Variants in NFAT5 observed in about 807,000 individuals in gnomAD.
NFAT5 encodes nuclear factor of activated T-cells 5.
In NFAT5, 31 loss-of-function variants were observed where a neutral mutation model predicts 166.5. That is an observed-to-expected ratio of 0.19 (90% CI 0.14 to 0.25). NFAT5 has a LOEUF of 0.25. NFAT5 is among the 10% of genes least tolerant of loss of function. The pLI, the probability that NFAT5 is intolerant of heterozygous loss-of-function variation, is 1.00. For missense variants in NFAT5, 1,449 were observed against 1,821.8 expected (o/e 0.80, Z 3.72); for synonymous variants, 612 against 639.7 (o/e 0.96, Z 0.65).
At chr16:69,671,886 A>C (rs1174290630) in intron 9 of NFAT5, among the ~76,000 whole-genome samples, 1 of 152,240 alleles carries the variant, frequency 6.6e-6, no homozygotes, top group Non-Finnish European at 1.5e-5. Flanking sequence ...TTATTATTTC[A>C]GACCTGATTA....
In NFAT5 at chr16:69,694,085, G is replaced by A. The variant is rs1308590417; in HGVS notation, c.4260G>A (p.Gln1420=). ...DMQQSPLYSP[Q]NNMPGIQGAT... Reference sequence around the variant, plus strand: ...AACAGTCTCCTCTTTATTCCCCTCAGAACAACATGCCTGGAATTCAAGGAG... The same window carrying A: ...AACAGTCTCCTCTTTATTCCCCTCAAAACAACATGCCTGGAATTCAAGGAG... Residue 1420 remains glutamine, a synonymous_variant, in exon 13 of 15, where the codon CAG becomes CAA. Coordinates refer to ENST00000349945, the MANE Select transcript of NFAT5 (RefSeq NM_138713.4). 1 of 1,614,070 alleles carries A rather than the reference G, an allele frequency of 6.2e-7. No homozygotes were observed. Among genetic ancestry groups the A allele is most frequent in the Non-Finnish European group, 8.5e-7 (1 of 1,180,016 alleles).
chr16:69,643,745 C>A (rs1475346675), intron 3 of NFAT5, among the ~76,000 whole-genome samples: 1 of 151,884 alleles, frequency 6.6e-6, no homozygotes, highest in East Asian at 1.9e-4. Context: ...TTTTGGCTTC[C>A]CAGAAATCAA....
chr16:69,669,363 G>A (rs1009111911), intron 7 of NFAT5, among the ~76,000 whole-genome samples: 47 of 152,108 alleles, frequency 3.1e-4, no homozygotes, highest in African/African-American at 1.1e-3. Context: ...TGACCAACAT[G>A]GTGAAACCCC....
rs753321494 is a variant in NFAT5, at chr16:69,695,192, A to C, written c.4471A>C (p.Ile1491Leu). 6.2e-7 allele frequency: 1 copy of C among 1,614,128 alleles called. No homozygotes were observed. The highest frequency in any genetic ancestry group is 1.3e-5 in the African/African-American group (1 of 74,944). ...TACATTGCCTGATCAGTTGATGGCC[A>C]TAAGTCAGCCAGGCCAACCACAAAA... ...PATLPDQLMA[I>L]SQPGQPQNEG... Residue 1491 changes from isoleucine to leucine, a missense_variant, in exon 14 of 15, where the codon ATA (isoleucine) becomes CTA (leucine). This residue lies in a region of NFAT5 where 891 missense variants were observed against 993.0 expected (regional missense o/e 0.90). Coordinates refer to ENST00000349945, the MANE Select transcript of NFAT5 (RefSeq NM_138713.4).
intron 11 of NFAT5, among the ~76,000 whole-genome samples, chr16:69,686,286 G>T (rs1161004477): frequency 6.6e-6 from 1 of 152,042 alleles, no homozygotes; most frequent in African/African-American, 2.4e-5. Context: ...CTGGGAGGTG[G>T]AGGCTACAGT....
Position 69,566,423 on chromosome 16 carries a change from A to T in NFAT5, c.73+49A>T. 1 of 1,403,252 alleles carries T rather than the reference A, an allele frequency of 7.1e-7. No homozygotes were observed. The highest frequency in any genetic ancestry group is 1.2e-5 in the South Asian group (1 of 81,906). The allele number at this position is 1,403,252 out of a possible 1,614,324, so 86.9% of individuals were successfully genotyped here. A position where few individuals can be genotyped will look rare whatever the true frequency, so the allele number is the denominator to read the frequency against. Reference sequence around the variant, plus strand: ...GGCGTGGGGGCGGGGAGACAGGGAGACAGGGAGACAGGGCCAGGGGAGGCG... The same window carrying T: ...GGCGTGGGGGCGGGGAGACAGGGAGTCAGGGAGACAGGGCCAGGGGAGGCG... On this transcript the variant is annotated intron_variant, in intron 1 of 14. Transcript: ENST00000349945. This position sits in a 1 kb window ranked among gnomAD's most constrained non-coding sequence, Gnocchi z 5.7.
intron 2 of NFAT5, among the ~76,000 whole-genome samples, chr16:69,582,041 G>T (rs1303747764): frequency 6.6e-6 from 1 of 152,186 alleles, no homozygotes; most frequent in Admixed American, 6.5e-5. Flanking sequence ...GAGGAGGGCG[G>T]ATCATTTGAG....
intron 3 of NFAT5, among the ~76,000 whole-genome samples, chr16:69,631,751 G>A (rs1321350347): frequency 2.6e-5 from 4 of 151,938 alleles, no homozygotes; most frequent in South Asian, 2.1e-4. Flanking sequence ...TCAGCCTCCC[G>A]AGTAACTGGG....
chr16:69,571,822 C>A (rs770041533), intron 2 of NFAT5, among the ~76,000 whole-genome samples: 5 of 151,904 alleles, frequency 3.3e-5, no homozygotes, highest in Admixed American at 2.6e-4. Flanking sequence ...TGCAGTGGCA[C>A]GATCTCGGCT....
chr16:69,614,948 C>A (rs1395385046), intron 2 of NFAT5, among the ~76,000 whole-genome samples: 1 of 146,596 alleles, frequency 6.8e-6, no homozygotes, highest in African/African-American at 2.5e-5. Flanking sequence ...ACGATCTTGG[C>A]TCACTGCAGC....
Position 69,642,820 on chromosome 16 carries a change from AAAAAGAAAAG to A in NFAT5, c.254-4193_254-4184del, listed in dbSNP as rs148109888. On this transcript the variant is annotated intron_variant, in intron 3 of 14. Transcript: ENST00000349945. ...CAACAGAGCAAGACTGTGTCTCAAAAAAAAGAAAAGAAAAGAAAAGAAAAAGGAAAAAAAA... is the reference window on the plus strand; with the variant it reads ...CAACAGAGCAAGACTGTGTCTCAAAAAAAAGAAAAGAAAAAGGAAAAAAAA... 4.1e-4 allele frequency among the ~76,000 whole-genome samples: 62 copies of A among 151,764 alleles called. 1 individual carries two copies. In the East Asian group the frequency reaches 0.011, roughly 27 times the overall value.
At chr16:69,609,160 TG>T (rs924265589) in intron 2 of NFAT5, among the ~76,000 whole-genome samples, 1 of 150,746 alleles carries the variant, frequency 6.6e-6, no homozygotes, top group African/African-American at 2.4e-5. Context: ...CAGAAGAAGG[TG>T]GTTCAGGTCT....
chr16:69,592,189 C>T (rs1373541794), intron 2 of NFAT5, among the ~76,000 whole-genome samples: 1 of 147,478 alleles, frequency 6.8e-6, no homozygotes, highest in Non-Finnish European at 1.5e-5. Context: ...AAGCAATTTT[C>T]CTGCCTCAAC....
intron 2 of NFAT5, among the ~76,000 whole-genome samples, chr16:69,613,641 A>G (rs984782661): frequency 2.0e-5 from 3 of 152,278 alleles, no homozygotes; most frequent in Admixed American, 2.0e-4. Context: ...TCAATATTCA[A>G]GGTTGACTTC....
At chr16:69,619,190 T>C (rs897625213) in intron 2 of NFAT5, among the ~76,000 whole-genome samples, 3 of 152,202 alleles carry the variant, frequency 2.0e-5, no homozygotes, top group Non-Finnish European at 4.4e-5. Flanking sequence ...ATGCCAGCTC[T>C]TAGGTCAACA....
intron 2 of NFAT5, among the ~76,000 whole-genome samples, chr16:69,574,961 C>T (rs1487164416): frequency 2.0e-5 from 3 of 151,858 alleles, no homozygotes; most frequent in Non-Finnish European, 4.4e-5. Context: ...CATGAGCCAC[C>T]GTGCCCAGCC....
intron 6 of NFAT5, among the ~76,000 whole-genome samples, chr16:69,659,301 G>T (rs1034384016): frequency 2.6e-5 from 4 of 151,766 alleles, no homozygotes; most frequent in Non-Finnish European, 5.9e-5. Context: ...AAATAGTTGG[G>T]CATGGTGGCG....
In NFAT5 at chr16:69,692,549, G is replaced by A; in HGVS notation, c.2724G>A (p.Met908Ile). The A allele has an allele frequency of 1.9e-6, 3 of 1,614,090 alleles. No homozygotes were observed. Among genetic ancestry groups the A allele is most frequent in the Non-Finnish European group, 8.5e-7 (1 of 1,180,010 alleles). Residue 908 changes from methionine to isoleucine, a missense_variant, in exon 13 of 15, where the codon ATG (methionine) becomes ATA (isoleucine). Coordinates refer to ENST00000349945, the MANE Select transcript of NFAT5 (RefSeq NM_138713.4). ...AGCAGCAGCAGCAACAGCAAGTGAT[G>A]GAATCTTCAGCCGCAATGGTGATGG... ...QQQQQQQQQV[M>I]ESSAAMVMEM...
At chr16:69,588,537 A>C (rs1320679814) in intron 2 of NFAT5, among the ~76,000 whole-genome samples, 1 of 152,206 alleles carries the variant, frequency 6.6e-6, no homozygotes, top group Non-Finnish European at 1.5e-5. Flanking sequence ...TAAATTTAAA[A>C]GTGCATTTCC....
Sources: allele counts gnomAD v4.1 joint callset (sites outside exome capture counted in the v4.1 genomes callset), GRCh38; gene constraint gnomAD v4.1.1; regional missense constraint gnomAD v4.1.1; non-coding constraint Gnocchi (gnomAD v3.1); transcripts MANE v1.5; gene names NCBI Gene and HGNC (gene_info 2026-07-23, HGNC 2026-07-21).